Variants in YLPM1 observed in about 807,000 individuals in gnomAD.
The protein encoded by YLPM1 is YLP motif containing 1.
Under a neutral mutation model 230.0 loss-of-function variants are expected in YLPM1, and 99 were observed. The observed-to-expected ratio is 0.43, with a 90% CI of 0.37 to 0.51. The LOEUF (loss-of-function observed/expected upper bound fraction) is 0.51, where lower values mean the gene tolerates loss of function less well. YLPM1 is among the 20% of genes least tolerant of loss of function. YLPM1 has a pLI of 0.00. For synonymous variants in YLPM1, 984 were observed against 942.5 expected (o/e 1.04, Z -0.81); for missense variants, 2,592 against 2,707.7 (o/e 0.96, Z 0.95).
In YLPM1 at chr14:74,836,033, G is replaced by A. The variant is rs2140150848; in HGVS notation, c.*295G>A. The A allele has an allele frequency of 2.6e-6, 1 of 381,530 alleles. No homozygotes were observed. Among genetic ancestry groups the A allele is most frequent in the East Asian group, 7.4e-5 (1 of 13,506 alleles). The allele number at this position is 381,530 out of a possible 1,614,324, so 23.6% of individuals were successfully genotyped here. A position where few individuals can be genotyped will look rare whatever the true frequency, so the allele number is the denominator to read the frequency against. Reference sequence around the variant, plus strand: ...GTCTGCTGGAGGATTCCAACAGAGAGTATTTCCTCCACTGTACAATGTCAC... The same window carrying A: ...GTCTGCTGGAGGATTCCAACAGAGAATATTTCCTCCACTGTACAATGTCAC... On this transcript the variant is annotated 3_prime_UTR_variant, in exon 21 of 21. Coordinates refer to ENST00000325680, the MANE Select transcript of YLPM1 (RefSeq NM_019589.3).
intron 13 of YLPM1, 119 bp downstream of exon 13, chr14:74,816,809 C>G: frequency 1.4e-6 from 2 of 1,440,816 alleles, no homozygotes; most frequent in Non-Finnish European, 1.8e-6. Flanking sequence ...GAACACAGTA[C>G]TTTAGTACTT....
At chr14:74,824,328 G>A (rs2091546081) in intron 18 of YLPM1, 21 bp downstream of exon 18, 1 of 1,608,182 alleles carries the variant, frequency 6.2e-7, no homozygotes, top group Non-Finnish European at 8.5e-7. Context: ...CCTTTTTCCT[G>A]TTTTTATATG....
At chr14:74,804,532 T>C (rs565390937) in intron 6 of YLPM1, among the ~76,000 whole-genome samples, 42 of 152,358 alleles carry the variant, frequency 2.8e-4, no homozygotes, top group African/African-American at 9.9e-4. Context: ...CATGTTGTTC[T>C]CTAAGCCTAG....
Position 74,821,143 on chromosome 14 carries a change from A to C in YLPM1, c.6111+6A>C, listed in dbSNP as rs1403058684. The stretch of plus-strand genomic sequence containing the variant: ...AGGAAGAGGAAAGCGAACTGGTAGG[A>C]GACAGACCAACCACTTTGAACAGTG... On this transcript the variant is annotated splice_donor_region_variant and intron_variant, in intron 17 of 20. Coordinates refer to ENST00000325680, the MANE Select transcript of YLPM1 (RefSeq NM_019589.3). The C allele has an allele frequency of 6.5e-7, 1 of 1,540,932 alleles. No homozygotes were observed. The highest frequency in any genetic ancestry group is 8.8e-7 in the Non-Finnish European group (1 of 1,142,768).
At chr14:74,786,546 T>C (rs1278840242) in intron 4 of YLPM1, among the ~76,000 whole-genome samples, 3 of 152,204 alleles carry the variant, frequency 2.0e-5, no homozygotes, top group African/African-American at 7.2e-5. Flanking sequence ...GAAATAATAC[T>C]GTATGTACTC....
intron 11 of YLPM1, among the ~76,000 whole-genome samples, chr14:74,813,091 G>A (rs2091449539): frequency 6.6e-6 from 1 of 152,190 alleles, no homozygotes; most frequent in African/African-American, 2.4e-5. Context: ...TAGAAAGGGA[G>A]AATTAGGAGA....
At chr14:74,788,117 C>CTTTTTTTT (rs55982413) in intron 4 of YLPM1, among the ~76,000 whole-genome samples, 1 of 148,838 alleles carries the variant, frequency 6.7e-6, no homozygotes. Context: ...GTCACATACC[C>CTTTTTTTT]TTTTTTTTTT....
chr14:74,774,978 TC>T (rs1428564016), intron 1 of YLPM1, among the ~76,000 whole-genome samples: 7 of 152,240 alleles, frequency 4.6e-5, no homozygotes, highest in Non-Finnish European at 1.0e-4. Flanking sequence ...TGGTATGGTT[TC>T]CAGTGAATAC....
At chr14:74,812,465 G>A (rs567457143) in intron 10 of YLPM1, among the ~76,000 whole-genome samples, 163 bp from the exon 11 acceptor site, 1 of 152,258 alleles carries the variant, frequency 6.6e-6, no homozygotes, top group Admixed American at 6.5e-5. Context: ...CTTGACTTCA[G>A]TAGATTTTAC....
At chr14:74,810,466 C>A in intron 9 of YLPM1, 46 bp downstream of exon 9, 3 of 1,542,178 alleles carry the variant, frequency 1.9e-6, no homozygotes, top group Non-Finnish European at 2.7e-6. Flanking sequence ...TTACTGTATA[C>A]TTAACAGTAA....
intron 4 of YLPM1, among the ~76,000 whole-genome samples, chr14:74,794,658 C>T (rs1244328528): frequency 6.6e-6 from 1 of 152,102 alleles, no homozygotes; most frequent in African/African-American, 2.4e-5. Context: ...TTCACACTCC[C>T]TCTTTCATGT....
intron 18 of YLPM1, among the ~76,000 whole-genome samples, 200 bp downstream of exon 18, chr14:74,824,507 T>C (rs2091547356): frequency 6.6e-6 from 1 of 152,140 alleles, no homozygotes; most frequent in Non-Finnish European, 1.5e-5. Flanking sequence ...CTGCTTTCAA[T>C]ACTATTTAAA....
chr14:74,809,831 C>T (rs2091417030), intron 7 of YLPM1, 34 bp downstream of exon 7: 3 of 1,610,850 alleles, frequency 1.9e-6, no homozygotes, highest in East Asian at 4.5e-5. Flanking sequence ...ATTTGGGATT[C>T]TACAGGAATT....
chr14:74,816,281 C>G lies in YLPM1; in HGVS notation c.5565+16C>G. The stretch of plus-strand genomic sequence containing the variant: ...ACTTATTCGAGTGAGTATGGGGAAG[C>G]TGAAAAATCAGCTGCTTGTGCTGCT... On this transcript the variant is annotated intron_variant, in intron 12 of 20. Transcript: ENST00000325680. 1 of 1,608,262 alleles carries G rather than the reference C, an allele frequency of 6.2e-7. No individual in the cohort carries two copies. Among genetic ancestry groups the G allele is most frequent in the African/African-American group, 1.3e-5 (1 of 74,830 alleles).
intron 4 of YLPM1, 58 bp downstream of exon 4, chr14:74,782,383 A>G (rs1345792463): frequency 6.8e-7 from 1 of 1,476,600 alleles, no homozygotes; most frequent in Non-Finnish European, 8.9e-7. Flanking sequence ...GACTTAGGCT[A>G]TTTGGTTCTC....
chr14:74,782,755 T>G (rs1302543660), intron 4 of YLPM1, among the ~76,000 whole-genome samples: 1 of 152,196 alleles, frequency 6.6e-6, no homozygotes, highest in Non-Finnish European at 1.5e-5. Context: ...GCAGTGAAAT[T>G]TAGCATAAGG....
At chr14:74,822,845 GATA>G (rs55831538) in intron 17 of YLPM1, among the ~76,000 whole-genome samples, 22,097 of 151,968 alleles carry the variant, frequency 0.15, 1,730 homozygotes, top group South Asian at 0.29. Context: ...TGTTGGTAAA[GATA>G]ATCGTTTGTA....
chr14:74,769,353 A>T (rs2090950770), intron 1 of YLPM1, among the ~76,000 whole-genome samples: 3 of 133,940 alleles, frequency 2.2e-5, no homozygotes, highest in South Asian at 2.4e-4. Context: ...GCTCACTGCA[A>T]CCTCTGCCTC....
chr14:74,801,830 T>A (rs774604244), intron 5 of YLPM1, among the ~76,000 whole-genome samples: 118 of 152,332 alleles, frequency 7.7e-4, no homozygotes, highest in Non-Finnish European at 1.5e-3. Context: ...TAATTTCAAA[T>A]TTTAAAAACT....
Sources: allele counts gnomAD v4.1 joint callset (sites outside exome capture counted in the v4.1 genomes callset), GRCh38; gene constraint gnomAD v4.1.1; transcripts MANE v1.5; gene names NCBI Gene and HGNC (gene_info 2026-07-23, HGNC 2026-07-21).